The following CNTN4 variants were observed in gnomAD, a reference collection of about 807,000 sequenced individuals.
The protein encoded by CNTN4 is contactin 4, also known as contactin-4.
A neutral mutation model predicts 122.5 loss-of-function variants in CNTN4; 77 were observed. The ratio of observed to expected loss-of-function variants is 0.63; its 90% CI spans 0.52 to 0.76. CNTN4 has a LOEUF of 0.76. CNTN4 is among the 30% of genes least tolerant of loss of function. CNTN4 has a pLI of 0.00. For missense variants in CNTN4, 1,256 were observed against 1,259.1 expected (o/e 1.00, Z 0.04); for synonymous variants, 512 against 447.0 (o/e 1.15, Z -1.83).
At chr3:2,586,183 C>T (rs1336311574) in intron 4 of CNTN4, among the ~76,000 whole-genome samples, 3 of 152,182 alleles carry the variant, frequency 2.0e-5, no homozygotes, top group Non-Finnish European at 4.4e-5. Context: ...GAACCAGATA[C>T]TTCCCACCTA....
At chr3:2,777,787 C>T (rs1220795015) in intron 6 of CNTN4, among the ~76,000 whole-genome samples, 2 of 152,148 alleles carry the variant, frequency 1.3e-5, no homozygotes, top group East Asian at 3.8e-4. Context: ...ACATGCATAA[C>T]CAAATAATTG....
At chr3:2,532,607 C>G (rs1221498466) in intron 3 of CNTN4, among the ~76,000 whole-genome samples, 1 of 152,074 alleles carries the variant, frequency 6.6e-6, no homozygotes, top group African/African-American at 2.4e-5. Flanking sequence ...CTGCTTTGCA[C>G]ATAGTTAACT....
At chr3:2,999,015 A>T (rs950575816) in intron 14 of CNTN4, 4 of 152,196 alleles carry the variant, frequency 2.6e-5, no homozygotes, top group Non-Finnish European at 5.9e-5. Flanking sequence ...ATTCAGAGAG[A>T]TCCACATAAA....
intron 3 of CNTN4, among the ~76,000 whole-genome samples, chr3:2,391,882 T>C (rs926913146): frequency 6.6e-5 from 10 of 152,184 alleles, no homozygotes; most frequent in African/African-American, 1.9e-4. Flanking sequence ...GGAAAAGTGG[T>C]AGTGAAGCTT....
In CNTN4 at chr3:2,690,688, T is replaced by G. The variant is rs543900495; in HGVS notation, c.56-45527T>G. ...AGCCTATGGGGGCAAATCCTGACAG[T>G]TGTCTGTTTTTGTACAGCACATGGA... On this transcript the variant is annotated intron_variant, in intron 4 of 24. Coordinates refer to ENST00000418658, the MANE Select transcript of CNTN4 (RefSeq NM_175607.3). 5.9e-5 allele frequency among the ~76,000 whole-genome samples: 9 copies of G among 152,242 alleles called. No individual in the cohort carries two copies. The South Asian group carries it at 1.9e-3, about 32-fold the overall frequency.
intron 3 of CNTN4, among the ~76,000 whole-genome samples, chr3:2,478,825 G>T (rs1007780358): frequency 1.3e-5 from 2 of 151,982 alleles, no homozygotes; most frequent in Admixed American, 1.3e-4. Context: ...TCTTTCTCTA[G>T]TCTGTCACTG....
chr3:2,248,264 C>A (rs1487781864), intron 2 of CNTN4, among the ~76,000 whole-genome samples: 8 of 151,886 alleles, frequency 5.3e-5, no homozygotes. Context: ...GTGCCAGAAT[C>A]AAATTCAAGC....
intron 2 of CNTN4, among the ~76,000 whole-genome samples, chr3:2,241,003 T>C (rs1213555158): frequency 6.6e-6 from 1 of 152,092 alleles, no homozygotes; most frequent in Non-Finnish European, 1.5e-5. Context: ...TTAGTAAAAA[T>C]ATATTTTTAT....
intron 2 of CNTN4, among the ~76,000 whole-genome samples, chr3:2,305,571 T>G (rs2042672310): frequency 6.6e-6 from 1 of 152,222 alleles, no homozygotes; most frequent in African/African-American, 2.4e-5. Context: ...ACTTTCTCTT[T>G]ATGTTGACCA....
chr3:2,334,536 G>C (rs539724848), intron 2 of CNTN4, among the ~76,000 whole-genome samples: 1 of 148,294 alleles, frequency 6.7e-6, no homozygotes, highest in South Asian at 2.3e-4. Context: ...AACTACAAGA[G>C]GTTATATAAC....
chr3:2,352,346 C>A (rs1292274169), intron 3 of CNTN4, among the ~76,000 whole-genome samples: 1 of 152,214 alleles, frequency 6.6e-6, no homozygotes, highest in Non-Finnish European at 1.5e-5. Flanking sequence ...CCTCTCTGGG[C>A]TGGCCGAGGC....
chr3:2,598,519 T>C (rs776907100), intron 4 of CNTN4, among the ~76,000 whole-genome samples: 2 of 152,194 alleles, frequency 1.3e-5, no homozygotes, highest in Non-Finnish European at 2.9e-5. Context: ...TGTATGTGAG[T>C]GAGTGTGTAT....
intron 7 of CNTN4, among the ~76,000 whole-genome samples, chr3:2,859,538 GTT>G (rs34103613): frequency 5.1e-4 from 74 of 146,274 alleles, no homozygotes; most frequent in East Asian, 1.4e-3. Flanking sequence ...TGCTTTCCTG[GTT>G]TTTTTTTTTT....
At chr3:2,535,989 G>C (rs1161737856) in intron 3 of CNTN4, among the ~76,000 whole-genome samples, 1 of 152,058 alleles carries the variant, frequency 6.6e-6, no homozygotes, top group Non-Finnish European at 1.5e-5. Context: ...CCACCGTTTT[G>C]CTATTAGTGC....
At chr3:2,722,431 T>C (rs1419164805) in intron 4 of CNTN4, among the ~76,000 whole-genome samples, 1 of 152,196 alleles carries the variant, frequency 6.6e-6, no homozygotes, top group Non-Finnish European at 1.5e-5. Flanking sequence ...AGCAAGCAGA[T>C]GCTTTTGCAA....
At chr3:2,425,291 C>G (rs1444414943) in intron 3 of CNTN4, among the ~76,000 whole-genome samples, 1 of 152,160 alleles carries the variant, frequency 6.6e-6, no homozygotes, top group Non-Finnish European at 1.5e-5. Flanking sequence ...CAACATATGG[C>G]TAGCCAGTTT....
chr3:2,553,103 C>A (rs561043179), intron 3 of CNTN4, among the ~76,000 whole-genome samples: 5 of 152,186 alleles, frequency 3.3e-5, no homozygotes, highest in African/African-American at 1.2e-4. Flanking sequence ...GGTAGATCAC[C>A]AGGTTATTGA....
intron 2 of CNTN4, among the ~76,000 whole-genome samples, chr3:2,149,699 A>C (rs1436506677): frequency 6.6e-6 from 1 of 152,220 alleles, no homozygotes; most frequent in Non-Finnish European, 1.5e-5. Flanking sequence ...TAATGTTTAC[A>C]TTTATATAAT....
intron 12 of CNTN4, among the ~76,000 whole-genome samples, chr3:2,917,354 G>GACGGAA (rs1278503107): frequency 6.6e-6 from 1 of 151,946 alleles, no homozygotes; most frequent in Non-Finnish European, 1.5e-5. Context: ...GGAAGAGGGA[G>GACGGAA]ACGGAGACGG....
Sources: allele counts gnomAD v4.1 joint callset (sites outside exome capture counted in the v4.1 genomes callset), GRCh38; gene constraint gnomAD v4.1.1; transcripts MANE v1.5; gene names NCBI Gene and HGNC (gene_info 2026-07-23, HGNC 2026-07-21).